The following SMYD3 variants were observed in gnomAD, a reference collection of about 807,000 sequenced individuals.
The protein encoded by SMYD3 is histone-lysine N-methyltransferase SMYD3.
SMYD3 carries 36 observed loss-of-function variants against 57.7 expected under a neutral mutation model. The ratio of observed to expected loss-of-function variants is 0.62; its 90% CI spans 0.48 to 0.82. The LOEUF is 0.82. Among genes scored for constraint, SMYD3 ranks in the 40% least tolerant of loss-of-function variants. The pLI, the probability that SMYD3 is intolerant of heterozygous loss-of-function variation, is 0.00. For synonymous variants in SMYD3, 211 were observed against 195.0 expected (o/e 1.08, Z -0.68); for missense variants, 515 against 538.8 (o/e 0.96, Z 0.44).
At chr1:246,348,519 A>G (rs1313728081) in intron 2 of SMYD3, among the ~76,000 whole-genome samples, 1 of 152,146 alleles carries the variant, frequency 6.6e-6, no homozygotes, top group Non-Finnish European at 1.5e-5. Flanking sequence ...CAAATACAGT[A>G]TGTTCTCACT....
rs76117883 is a variant in SMYD3 at position 245,863,697 on chromosome 1, A to G, written c.901+102T>C. On this transcript the variant is annotated intron_variant, in intron 9 of 11. Coordinates refer to ENST00000490107, the MANE Select transcript of SMYD3 (RefSeq NM_001167740.2). ...GGAACAGAATGAAAACCACTGGCTC[A>G]TGGAGAGGTCAAACCCCGCCTCTGA... 4.8e-3 allele frequency: 4,765 copies of G among 984,530 alleles called. 155 individuals are homozygous for G. In the African/African-American group the frequency reaches 0.069, roughly 14 times the overall value. 61.0% of individuals were successfully genotyped at this position (984,530 alleles called of 1,614,324 possible). A position where few individuals can be genotyped will look rare whatever the true frequency, so the allele number is the denominator to read the frequency against.
At chr1:245,833,360 T>C (rs1183824686) in intron 10 of SMYD3, among the ~76,000 whole-genome samples, 2 of 152,228 alleles carry the variant, frequency 1.3e-5, no homozygotes, top group Non-Finnish European at 2.9e-5. Context: ...TCAGTTGTCA[T>C]GTTGCCTCAG....
At chr1:246,404,861 GA>G (rs1371136896) in intron 1 of SMYD3, among the ~76,000 whole-genome samples, 3 of 152,144 alleles carry the variant, frequency 2.0e-5, no homozygotes, top group Admixed American at 2.0e-4. Context: ...TTTCATTACA[GA>G]AAGTGCTTTG....
chr1:246,285,835 G>C (rs1421875519), intron 5 of SMYD3, among the ~76,000 whole-genome samples: 1 of 152,010 alleles, frequency 6.6e-6, no homozygotes, highest in Non-Finnish European at 1.5e-5. Context: ...CTAAGGATAC[G>C]AATAGACAAT....
At chr1:246,189,449 A>G (rs72774421) in intron 5 of SMYD3, among the ~76,000 whole-genome samples, 10,438 of 152,312 alleles carry the variant, frequency 0.069, 405 homozygotes, top group Middle Eastern at 0.17. Flanking sequence ...TTTGCTATAC[A>G]GCTAACATTA....
intron 2 of SMYD3, among the ~76,000 whole-genome samples, chr1:246,347,427 G>A (rs546642109): frequency 6.6e-6 from 1 of 152,192 alleles, no homozygotes; most frequent in Non-Finnish European, 1.5e-5. Flanking sequence ...AATACTGAGA[G>A]AAGCCAGATT....
chr1:246,206,814 C>T (rs1219709332), intron 5 of SMYD3, among the ~76,000 whole-genome samples: 4 of 152,158 alleles, frequency 2.6e-5, no homozygotes, highest in African/African-American at 9.7e-5. Context: ...ACCTTAGCCA[C>T]TTTAGAGTAA....
rs182441270 is a variant in SMYD3, at chr1:246,138,200, A to G, written c.531+189001T>C. The stretch of plus-strand genomic sequence containing the variant: ...GCTGTGCACAGTCCTCCTCTGTCCC[A>G]TCCTCACTCCGCCCCGAGTGCTGCA... On this transcript the variant is annotated intron_variant, in intron 5 of 11. Transcript: ENST00000490107. 2.6e-5 allele frequency among the ~76,000 whole-genome samples: 4 copies of G among 152,214 alleles called. No individual in the cohort carries two copies. In the East Asian group the frequency reaches 7.7e-4, roughly 29 times the overall value.
intron 5 of SMYD3, among the ~76,000 whole-genome samples, chr1:246,204,429 A>G (rs192310089): frequency 1.3e-5 from 2 of 152,314 alleles, no homozygotes; most frequent in African/African-American, 4.8e-5. Context: ...CTATATTTCC[A>G]GTGCTGAGCA....
intron 1 of SMYD3, among the ~76,000 whole-genome samples, chr1:246,457,573 A>G (rs1205906074): frequency 6.6e-6 from 1 of 151,586 alleles, no homozygotes; most frequent in Non-Finnish European, 1.5e-5. Context: ...AGAAAAGAAA[A>G]GAAAAAGAAA....
chr1:246,173,239 A>T (rs937543390), intron 5 of SMYD3, among the ~76,000 whole-genome samples: 1 of 149,606 alleles, frequency 6.7e-6, no homozygotes, highest in Admixed American at 6.7e-5. Flanking sequence ...AACACTACAC[A>T]CTTAGGCTAC....
chr1:245,991,292 A>C (rs1466305462), intron 5 of SMYD3, among the ~76,000 whole-genome samples: 2 of 152,204 alleles, frequency 1.3e-5, no homozygotes, highest in Non-Finnish European at 2.9e-5. Flanking sequence ...ACATTAGTTC[A>C]TTAATGGTAA....
chr1:246,008,291 C>A (rs191354005), intron 5 of SMYD3, among the ~76,000 whole-genome samples: 6 of 135,438 alleles, frequency 4.4e-5, no homozygotes, highest in African/African-American at 1.8e-4. Context: ...ACGCACAGAG[C>A]GGTGTTGGAG....
Position 246,098,667 on chromosome 1 carries a change from T to A in SMYD3, c.532-168730A>T, listed in dbSNP as rs140974156. On this transcript the variant is annotated intron_variant, in intron 5 of 11. Coordinates refer to ENST00000490107, the MANE Select transcript of SMYD3 (RefSeq NM_001167740.2). Reference sequence around the variant, plus strand: ...TAAATTTTACATTAACAAAATTATGTTCATCACTTAGAATGTGACATTGTA... The same window carrying A: ...TAAATTTTACATTAACAAAATTATGATCATCACTTAGAATGTGACATTGTA... Among the ~76,000 whole-genome samples, 53 of 152,330 alleles carry A rather than the reference T, an allele frequency of 3.5e-4. 2 individuals carry two copies. In the East Asian group the frequency reaches 9.1e-3, roughly 26 times the overall value.
intron 5 of SMYD3, among the ~76,000 whole-genome samples, chr1:245,977,551 T>C (rs12087289): frequency 0.14 from 21,611 of 152,060 alleles, 1,617 homozygotes; most frequent in South Asian, 0.21. Context: ...TGGTGGTGCA[T>C]GCCTGTAATC....
chr1:246,429,660 A>G (rs1294786503), intron 1 of SMYD3, among the ~76,000 whole-genome samples: 1 of 152,246 alleles, frequency 6.6e-6, no homozygotes, highest in African/African-American at 2.4e-5. Flanking sequence ...GAGTCGTCAG[A>G]GGCCTCACTC....
At chr1:246,441,252 G>A (rs867797523) in intron 1 of SMYD3, among the ~76,000 whole-genome samples, 3 of 152,096 alleles carry the variant, frequency 2.0e-5, no homozygotes, top group Non-Finnish European at 4.4e-5. Context: ...ATTTGTGTAC[G>A]TTTCCTTACT....
intron 8 of SMYD3, among the ~76,000 whole-genome samples, chr1:245,893,532 C>T (rs2053529671): frequency 6.6e-6 from 1 of 152,008 alleles, no homozygotes; most frequent in Admixed American, 6.6e-5. Flanking sequence ...TAAAAATGAA[C>T]CAACTATTGA....
rs12083068 is a variant in SMYD3, at chr1:246,212,784, T to C, written c.531+114417A>G. On this transcript the variant is annotated intron_variant, in intron 5 of 11. Coordinates refer to ENST00000490107, the MANE Select transcript of SMYD3 (RefSeq NM_001167740.2). ...AAGATCTAATAAATTTGGTTAATAT[T>C]TTCCACAGAGAATAGCTGTAATGAA... Among the ~76,000 whole-genome samples the C allele has an allele frequency of 7.3e-3, 1,112 of 152,284 alleles. 17 individuals are homozygous for C. The highest frequency in any genetic ancestry group is 0.025 in the African/African-American group (1,023 of 41,528).
Sources: gnomAD v4.1 joint callset for allele counts (sites outside exome capture counted in the v4.1 genomes callset) on GRCh38, gnomAD v4.1.1 for gene constraint, MANE v1.5 for transcripts, NCBI Gene and HGNC (gene_info 2026-07-23, HGNC 2026-07-21) for gene names.